Variants in TRIM7 observed in about 807,000 individuals in gnomAD.
TRIM7 encodes E3 ubiquitin-protein ligase TRIM7.
In TRIM7, 32 loss-of-function variants were observed where a neutral mutation model predicts 37.9. That is an observed-to-expected ratio of 0.84 (90% CI 0.64 to 1.13). TRIM7 has a LOEUF of 1.13. Ranked by LOEUF, TRIM7 falls within the 50% of genes most tolerant of loss-of-function variation. TRIM7 has a pLI of 0.00. For missense variants in TRIM7, 732 were observed against 714.0 expected (o/e 1.03, Z -0.29); for synonymous variants, 351 against 321.3 (o/e 1.09, Z -0.99).
rs1391406028 is a variant in TRIM7 at position 181,204,673 on chromosome 5, G to A, written c.438C>T (p.Arg146=). ...PFKLYCQDDG[R]AICVVCDRAR... ...CGCGGTCGCACACCACGCAGATGGC[G>A]CGTCCGTCGTCCTGGCAGTAGAGCT... Residue 146 remains arginine (R), a synonymous_variant, in exon 1 of 7, where the codon CGC becomes CGT. Transcript: ENST00000274773. 4 of 1,513,134 alleles carry A rather than the reference G, an allele frequency of 2.6e-6. No individual in the cohort carries two copies. The highest frequency in any genetic ancestry group is 1.2e-5 in the South Asian group (1 of 81,614). The allele number at this position is 1,513,134 out of a possible 1,614,324, so 93.7% of individuals were successfully genotyped here.
Position 181,198,697 on chromosome 5 carries a change from C to G in TRIM7, c.981G>C (p.Lys327Asn), listed in dbSNP as rs771048476. The change falls in exon 5 of 7, where the codon AAG (lysine) becomes AAC (asparagine). Residue 327 changes from lysine (K) to asparagine (N), a missense_variant. Coordinates refer to ENST00000274773, the MANE Select transcript of TRIM7 (RefSeq NM_203293.3). ...TGGCGCCCAGGCCCCTACCTTTGAA[C>G]TTCTTCAGCATCCCTTTTAAGACAA... Reference protein sequence around the residue: ...KTFVLKGMLKKFKEDLRGELE... With the variant: ...KTFVLKGMLKNFKEDLRGELE... 2 of 1,613,208 alleles carry G rather than the reference C, an allele frequency of 1.2e-6. No individual in the cohort carries two copies. The highest frequency in any genetic ancestry group is 3.3e-5 in the Admixed American group (2 of 59,990).
At position 181,198,217 on chromosome 5, in the gene TRIM7, C is replaced by T. The variant is rs1029738044; in HGVS notation, c.990G>A (p.Glu330=). 3.1e-6 allele frequency: 5 copies of T among 1,614,148 alleles called. No individual in the cohort carries two copies. The highest frequency in any genetic ancestry group is 1.7e-5 in the Admixed American group (1 of 60,024). The change falls in exon 6 of 7, where the codon GAG becomes GAA. Residue 330 remains glutamate (E), a splice_region_variant and synonymous_variant. Transcript: ENST00000274773. ...CTTTCTCCAGCTCTCCCCGAAGGTC[C>T]TCTGAGGAGGAGAAACAAAGCAAGG... ...VLKGMLKKFK[E]DLRGELEKEE... is the part of the protein sequence containing the mutation.
chr5:181,195,673 C>T lies in TRIM7; in HGVS notation c.1029G>A (p.Glu343=), dbSNP rs546254939. The part of the protein sequence containing the change: ...RGELEKEEKV[E]LTLDPDTANP... ...TGGCCGTGTCGGGATCCAAGGTGAG[C>T]TCCACTGCAGACAGAGACAGGGAGA... The change falls in exon 7 of 7, where the codon GAG becomes GAA. Residue 343 remains glutamate, a synonymous_variant. Transcript: ENST00000274773. The T allele has an allele frequency of 3.3e-6, 5 of 1,522,120 alleles. No homozygotes were observed. In the African/African-American group the frequency reaches 4.2e-5, roughly 13 times the overall value. 94.3% of individuals were successfully genotyped at this position (1,522,120 alleles called of 1,614,324 possible).
chr5:181,199,220 A>T, intron 3 of TRIM7, 103 bp from the exon 4 acceptor site: 1 of 1,402,654 alleles, frequency 7.1e-7, no homozygotes. Flanking sequence ...TGTAAGCATA[A>T]GCAAGTGTGC....
At position 181,203,266 on chromosome 5, in the gene TRIM7, C is replaced by G. The variant is rs778600408; in HGVS notation, c.618+279G>C. 3.6e-4 allele frequency: 461 copies of G among 1,273,054 alleles called. 1 individual carries two copies. The highest frequency in any genetic ancestry group is 4.1e-4 in the Non-Finnish European group (418 of 1,010,592). 78.9% of individuals were successfully genotyped at this position (1,273,054 alleles called of 1,614,324 possible). A position where few individuals can be genotyped will look rare whatever the true frequency, so the allele number is the denominator to read the frequency against. On this transcript the variant is annotated intron_variant, in intron 2 of 6. Transcript: ENST00000274773. ...TCCGCAGGCCCTAACTGGTATGTTA[C>G]GTAATATCAGAGTGACTGAGCGTCC...
chr5:181,198,719 A>T lies in TRIM7; in HGVS notation c.959T>A (p.Val320Asp). Residue 320 changes from valine (V) to aspartate (D), a missense_variant, in exon 5 of 7, where the codon GTC becomes GAC. Physicochemically the swap from Val to Asp is radical, Grantham distance 152. Transcript: ENST00000274773. ...KVWNVSLKTF[V>D]LKGMLKKFKE... ...GAACTTCTTCAGCATCCCTTTTAAG[A>T]CAAAGGTCTTGAGAGAAACATTCCA... 2 of 1,614,084 alleles carry T rather than the reference A, an allele frequency of 1.2e-6. No individual in the cohort carries two copies. The highest frequency in any genetic ancestry group is 1.7e-6 in the Non-Finnish European group (2 of 1,179,956).
Position 181,204,897 on chromosome 5 carries a change from G to T in TRIM7, c.214C>A (p.Pro72Thr). 1 of 1,370,834 alleles carries T rather than the reference G, an allele frequency of 7.3e-7. No homozygotes were observed. The highest frequency in any genetic ancestry group is 9.3e-7 in the Non-Finnish European group (1 of 1,071,604). The allele number at this position is 1,370,834 out of a possible 1,614,324, so 84.9% of individuals were successfully genotyped here. A position where few individuals can be genotyped will look rare whatever the true frequency, so the allele number is the denominator to read the frequency against. The change falls in exon 1 of 7, where the codon CCC becomes ACC. Residue 72 changes from proline (P) to threonine (T), a missense_variant. By Grantham distance (38) the Pro-to-Thr change is conservative. Coordinates refer to ENST00000274773, the MANE Select transcript of TRIM7 (RefSeq NM_203293.3). ...AGSVGAATRA[P>T]PFPLPCPQCR... The stretch of plus-strand genomic sequence containing the variant: ...TGCGGACAGGGCAGTGGGAAGGGGG[G>T]CGCGCGGGTGGCGGCCCCAACAGAC...
intron 5 of TRIM7, 71 bp downstream of exon 5, chr5:181,198,619 G>A: frequency 3.8e-6 from 4 of 1,046,548 alleles, no homozygotes; most frequent in South Asian, 2.6e-5. Flanking sequence ...CACACCCAGG[G>A]ACCCCTGAGC....
chr5:181,204,455 G>T, intron 1 of TRIM7, 134 bp downstream of exon 1: 1 of 1,169,104 alleles, frequency 8.6e-7, no homozygotes. Context: ...TGGGCTTCCT[G>T]GAATGGAGAA....
intron 3 of TRIM7, 174 bp from the exon 4 acceptor site, chr5:181,199,291 G>C: frequency 2.9e-6 from 2 of 698,678 alleles, no homozygotes; most frequent in Non-Finnish European, 5.1e-6. Flanking sequence ...CTGGCTGCAG[G>C]GTGTCTCACC....
chr5:181,197,562 A>G (rs1343276063), intron 6 of TRIM7: 3 of 153,480 alleles, frequency 2.0e-5, no homozygotes, highest in African/African-American at 4.8e-5. Flanking sequence ...GTGTGCAGTG[A>G]GGCTAGAGCC....
At chr5:181,198,268 T>C (rs959520842) in intron 5 of TRIM7, 50 bp from the exon 6 acceptor site, 6 of 1,590,528 alleles carry the variant, frequency 3.8e-6, no homozygotes, top group African/African-American at 1.3e-5. Flanking sequence ...CGGGAGATTA[T>C]ATGGCAAGGT....
chr5:181,204,950 C>G lies in TRIM7; in HGVS notation c.161G>C (p.Gly54Ala), dbSNP rs1382086145. 1.4e-6 allele frequency: 2 copies of G among 1,460,168 alleles called. No homozygotes were observed. Among genetic ancestry groups the G allele is most frequent in the African/African-American group, 3.0e-5 (2 of 67,704 alleles). 90.5% of individuals were successfully genotyped at this position (1,460,168 alleles called of 1,614,324 possible). ...CGCGCCCGGGCGCTCCCAGCAGCGC[C>G]CTATGCAGGCGCGGCAGAAGCTGTG... ...CGHSFCRACI[G>A]RCWERPGAGS... Residue 54 changes from glycine (G) to alanine (A), a missense_variant, in exon 1 of 7, where the codon GGG (glycine) becomes GCG (alanine). Physicochemically the swap from Gly to Ala is moderately conservative, Grantham distance 60 (BLOSUM62 0). Coordinates refer to ENST00000274773, the MANE Select transcript of TRIM7 (RefSeq NM_203293.3).
At chr5:181,198,831 G>A (rs764400523) in intron 4 of TRIM7, 26 bp from the exon 5 acceptor site, 27 of 1,555,892 alleles carry the variant, frequency 1.7e-5, no homozygotes, top group Non-Finnish European at 2.3e-5. Context: ...TCTGAGAAGG[G>A]CCTGTGTGCA....
In TRIM7 at chr5:181,205,151, G is replaced by C; in HGVS notation, c.-41C>G. On this transcript the variant is annotated 5_prime_UTR_variant, in exon 1 of 7. Coordinates refer to ENST00000274773, the MANE Select transcript of TRIM7 (RefSeq NM_203293.3). ...ACCCAGATCTGGTCGCGCCTGGGCG[G>C]CCACTGGACCTCACAGGACGCGGAG... The C allele has an allele frequency of 7.8e-7, 1 of 1,278,996 alleles. No homozygotes were observed. The highest frequency in any genetic ancestry group is 9.9e-7 in the Non-Finnish European group (1 of 1,012,510). 79.2% of individuals were successfully genotyped at this position (1,278,996 alleles called of 1,614,324 possible). A position where few individuals can be genotyped will look rare whatever the true frequency, so the allele number is the denominator to read the frequency against.
chr5:181,199,949 C>T lies in TRIM7; in HGVS notation c.751G>A (p.Glu251Lys). The change falls in exon 3 of 7, where the codon GAG becomes AAG. Residue 251 changes from glutamate to lysine, a missense_variant. Physicochemically the swap from Glu to Lys is moderately conservative, Grantham distance 56. Transcript: ENST00000274773. Reference protein sequence around the residue: ...LSREVAQKQNENLAQLGVEIT... With the variant: ...LSREVAQKQNKNLAQLGVEIT... The stretch of plus-strand genomic sequence containing the variant: ...TCAACCCCGAGCTGGGCCAGGTTCT[C>T]ATTCTGCTTCTGTGCCACCTCCCGG... 1.9e-6 allele frequency: 3 copies of T among 1,614,254 alleles called. No homozygotes were observed. Among genetic ancestry groups the T allele is most frequent in the Non-Finnish European group, 2.5e-6 (3 of 1,180,046 alleles).
In TRIM7 at chr5:181,204,787, C is replaced by T; in HGVS notation, c.324G>A (p.Leu108=). ...AVATLLRRFS[L]PAAAPGEHGS... ...CGTGCTCTCCCGGGGCAGCCGCGGG[C>T]AGGCTGAAGCGCCGCAGGAGCGTGG... The change falls in exon 1 of 7, where the codon CTG becomes CTA. Residue 108 remains leucine, a synonymous_variant. Transcript: ENST00000274773. The T allele has an allele frequency of 1.4e-6, 2 of 1,425,478 alleles. No homozygotes were observed. Among genetic ancestry groups the T allele is most frequent in the Non-Finnish European group, 1.8e-6 (2 of 1,098,700 alleles). The allele number at this position is 1,425,478 out of a possible 1,614,324, so 88.3% of individuals were successfully genotyped here.
chr5:181,197,827 C>A, intron 6 of TRIM7: 1 of 286,724 alleles, frequency 3.5e-6, no homozygotes, highest in South Asian at 6.8e-5. Flanking sequence ...CTTCCCCTTG[C>A]TTTCCTGGTC....
chr5:181,204,992 A>G lies in TRIM7; in HGVS notation c.119T>C (p.Val40Ala). 1.3e-6 allele frequency: 2 copies of G among 1,487,410 alleles called. No homozygotes were observed. Among genetic ancestry groups the G allele is most frequent in the African/African-American group, 2.9e-5 (2 of 68,796 alleles). 92.1% of individuals were successfully genotyped at this position (1,487,410 alleles called of 1,614,324 possible). The stretch of plus-strand genomic sequence containing the variant: ...GAAGCTGTGGCCGCACTCGACGGAC[A>G]CCGGCTCACGAAAGAGCTCTAGGCA... ...SICLELFREP[V>A]SVECGHSFCR... The change falls in exon 1 of 7, where the codon GTG becomes GCG. Residue 40 changes from valine to alanine, a missense_variant. By Grantham distance (64) the Val-to-Ala change is moderately conservative. Transcript: ENST00000274773.
Sources: gnomAD v4.1 joint callset for allele counts on GRCh38, gnomAD v4.1.1 for gene constraint, MANE v1.5 for transcripts, NCBI Gene and HGNC (gene_info 2026-07-23, HGNC 2026-07-21) for gene names.